The following MAPK10 variants were observed in gnomAD, a reference collection of about 807,000 sequenced individuals.
MAPK10 encodes mitogen-activated protein kinase 10.
In MAPK10, 25 loss-of-function variants were observed where a neutral mutation model predicts 59.3. That is an observed-to-expected ratio of 0.42 (90% confidence interval 0.31 to 0.59). The LOEUF (loss-of-function observed/expected upper bound fraction) is 0.59. Ranked by LOEUF, MAPK10 falls within the 20% of genes least tolerant of loss-of-function variation. MAPK10 has a pLI of 0.15. For missense variants in MAPK10, 351 were observed against 568.9 expected, an observed-to-expected ratio of 0.62 and a Z score of 3.90; for synonymous variants, 190 against 200.5, an observed-to-expected ratio of 0.95 and a Z score of 0.44.
chr4:86,576,634 C>T (rs759850443), intron 1 of MAPK10, among the ~76,000 whole-genome samples: 11 of 151,886 alleles, frequency 7.2e-5, no homozygotes, highest in Non-Finnish European at 1.2e-4. Flanking sequence ...ATTAGCCGGG[C>T]GCGGTGGCGG....
intron 1 of MAPK10, among the ~76,000 whole-genome samples, chr4:86,593,430 G>T (rs75855193): frequency 1.3e-5 from 2 of 152,254 alleles, no homozygotes; most frequent in East Asian, 3.9e-4. Flanking sequence ...AATTCAGCAA[G>T]ACTCTCTTGT....
intron 1 of MAPK10, among the ~76,000 whole-genome samples, chr4:86,552,234 A>G (rs1024459635): frequency 2.0e-5 from 3 of 151,834 alleles, no homozygotes; most frequent in Non-Finnish European, 4.4e-5. Flanking sequence ...AGCCTGGGCA[A>G]CATAGAAAGA....
At position 86,064,359 on chromosome 4, in the gene MAPK10, C is replaced by T. The variant is rs1200724232; in HGVS notation, c.1017G>A (p.Met339Ile). The part of the protein sequence containing the change: ...ASQARDLLSK[M>I]LVIDPAKRIS... ...TTCTTTTTGCTGGGTCAATCACTAG[C>T]ATCTTTGACAACAAGTCCCTGGCTT... is the stretch of plus-strand genomic sequence containing the variant. The change falls in exon 11 of 14, where the codon ATG becomes ATA. Residue 339 changes from methionine (M) to isoleucine (I), a missense_variant. Transcript: ENST00000641462. The T allele has an allele frequency of 6.2e-7, 1 of 1,614,092 alleles. No homozygotes were observed. Among genetic ancestry groups the T allele is most frequent in the East Asian group, 2.2e-5 (1 of 44,872 alleles).
intron 2 of MAPK10, among the ~76,000 whole-genome samples, chr4:86,318,480 C>T (rs551446815): frequency 1.6e-4 from 24 of 152,130 alleles, no homozygotes; most frequent in Non-Finnish European, 3.1e-4. Context: ...TTGCCCCATG[C>T]GTTTTAAAGT....
At chr4:86,189,855 C>T (rs568412452) in intron 3 of MAPK10, among the ~76,000 whole-genome samples, 3 of 151,974 alleles carry the variant, frequency 2.0e-5, no homozygotes, top group Non-Finnish European at 4.4e-5. Context: ...TCCAGCTTTT[C>T]CCATTCAGTA....
chr4:86,264,078 G>C (rs1244927393), intron 2 of MAPK10, among the ~76,000 whole-genome samples: 1 of 152,146 alleles, frequency 6.6e-6, no homozygotes, highest in African/African-American at 2.4e-5. Context: ...CGAATATAAA[G>C]AGCAGAAAAG....
intron 1 of MAPK10, among the ~76,000 whole-genome samples, chr4:86,432,282 T>G (rs1208131995): frequency 6.6e-6 from 1 of 152,108 alleles, no homozygotes; most frequent in African/African-American, 2.4e-5. Flanking sequence ...TGTTTTGTTT[T>G]GTTTTGTTTG....
intron 1 of MAPK10, among the ~76,000 whole-genome samples, chr4:86,589,876 C>T (rs944307928): frequency 6.6e-6 from 1 of 150,980 alleles, no homozygotes; most frequent in African/African-American, 2.4e-5. Context: ...CCCAGCTACT[C>T]GGGAGGCTGA....
intron 9 of MAPK10, among the ~76,000 whole-genome samples, chr4:86,072,969 T>G (rs954568453): frequency 3.3e-5 from 2 of 60,932 alleles, no homozygotes; most frequent in Non-Finnish European, 6.3e-5. Context: ...GAAGGAATGG[T>G]ACCAGTTCCT....
At chr4:86,033,645 T>G (rs2039571239) in intron 11 of MAPK10, among the ~76,000 whole-genome samples, 1 of 152,206 alleles carries the variant, frequency 6.6e-6, no homozygotes, top group African/African-American at 2.4e-5. Flanking sequence ...CAAGAGAGAA[T>G]GCAAAGTGCT....
intron 1 of MAPK10, among the ~76,000 whole-genome samples, chr4:86,479,544 T>C (rs1753411980): frequency 6.6e-6 from 1 of 151,586 alleles, no homozygotes; most frequent in African/African-American, 2.4e-5. Context: ...CATTCTCAAC[T>C]ACTCATAAAT....
chr4:86,250,156 G>A (rs2148709931), intron 2 of MAPK10, among the ~76,000 whole-genome samples: 1 of 152,290 alleles, frequency 6.6e-6, no homozygotes, highest in South Asian at 2.1e-4. Context: ...AGACTCATAG[G>A]AATGCCGATC....
chr4:86,507,593 C>A (rs1755833213), intron 1 of MAPK10, among the ~76,000 whole-genome samples: 1 of 101,140 alleles, frequency 9.9e-6, no homozygotes, highest in Non-Finnish European at 1.9e-5. Context: ...TACCATGTTA[C>A]TATTAAAAAG....
intron 1 of MAPK10, among the ~76,000 whole-genome samples, chr4:86,408,066 C>T (rs962361199): frequency 1.4e-5 from 2 of 147,784 alleles, no homozygotes; most frequent in Admixed American, 6.8e-5. Flanking sequence ...CCCCACCCCC[C>T]GACAAGCCCC....
chr4:86,384,479 A>G (rs958580788), intron 1 of MAPK10, among the ~76,000 whole-genome samples: 6 of 152,142 alleles, frequency 3.9e-5, no homozygotes, highest in Non-Finnish European at 7.4e-5. Flanking sequence ...ACTTTATTCT[A>G]TGTAGTGGGA....
chr4:86,478,097 A>T (rs532820038), intron 1 of MAPK10, among the ~76,000 whole-genome samples: 31 of 152,132 alleles, frequency 2.0e-4, no homozygotes, highest in Non-Finnish European at 3.5e-4. Context: ...ACCTTCTACA[A>T]AACAACAACT....
intron 4 of MAPK10, among the ~76,000 whole-genome samples, chr4:86,132,582 C>T (rs1443812845): frequency 6.6e-6 from 1 of 152,146 alleles, no homozygotes; most frequent in Admixed American, 6.5e-5. Context: ...ACAAGGGTCC[C>T]CAACCGGGCC....
At chr4:86,559,671 G>A (rs1481896126) in intron 1 of MAPK10, among the ~76,000 whole-genome samples, 1 of 152,018 alleles carries the variant, frequency 6.6e-6, no homozygotes, top group Non-Finnish European at 1.5e-5. Context: ...GGTGGCTCAT[G>A]CCTCTAATCC....
At chr4:86,181,161 T>C (rs2076852608) in intron 3 of MAPK10, among the ~76,000 whole-genome samples, 1 of 152,070 alleles carries the variant, frequency 6.6e-6, no homozygotes, top group African/African-American at 2.4e-5. Flanking sequence ...TTAAATGGGA[T>C]GGATATTAAA....
Sources: gnomAD v4.1 joint callset for allele counts (sites outside exome capture counted in the v4.1 genomes callset) on GRCh38, gnomAD v4.1.1 for gene constraint, MANE v1.5 for transcripts, NCBI Gene and HGNC (gene_info 2026-07-23, HGNC 2026-07-21) for gene names.